UBN2: variants seen among roughly 807,000 people sequenced by gnomAD.
UBN2 encodes ubinuclein-2.
A neutral mutation model predicts 120.2 loss-of-function variants in UBN2; 35 were observed. That is an observed-to-expected ratio of 0.29 (90% CI 0.22 to 0.39). The LOEUF (loss-of-function observed/expected upper bound fraction) is 0.39. UBN2 is among the 10% of genes least tolerant of loss of function. UBN2 has a pLI of 1.00. For synonymous variants in UBN2, 661 were observed against 648.7 expected (o/e 1.02, Z -0.29); for missense variants, 1,693 against 1,663.2 (o/e 1.02, Z -0.31).
chr7:139,232,842 C>CA (rs1455546572), intron 1 of UBN2, among the ~76,000 whole-genome samples: 1 of 152,006 alleles, frequency 6.6e-6, no homozygotes, highest in Non-Finnish European at 1.5e-5. Context: ...AAGAGGTGAA[C>CA]AATGGAGAAA....
At chr7:139,295,045 C>T (rs1430233925) in intron 17 of UBN2, among the ~76,000 whole-genome samples, 1 of 151,862 alleles carries the variant, frequency 6.6e-6, no homozygotes, top group African/African-American at 2.4e-5. Context: ...GCAGAAATAA[C>T]TGCTTAGCTG....
chr7:139,250,010 C>G (rs1424667332), intron 2 of UBN2, among the ~76,000 whole-genome samples: 3 of 152,072 alleles, frequency 2.0e-5, no homozygotes, highest in Non-Finnish European at 4.4e-5. Flanking sequence ...CTTCTCTTCT[C>G]TTTCTAAGCA....
chr7:139,304,461 G>A lies in UBN2; in HGVS notation c.*6625G>A, dbSNP rs544139719. On this transcript the variant is annotated 3_prime_UTR_variant, in exon 18 of 18. Coordinates refer to ENST00000473989, the MANE Select transcript of UBN2 (RefSeq NM_173569.4). The stretch of plus-strand genomic sequence containing the variant: ...TTTCCCGTTATCGTTTAAAATAATA[G>A]CAACAGGAAAAGAAAAATGGATGCT... 4 of 152,272 alleles carry A rather than the reference G, an allele frequency of 2.6e-5. No homozygotes were observed. Among genetic ancestry groups the A allele is most frequent in the African/African-American group, 9.6e-5 (4 of 41,556 alleles). The allele number at this position is 152,272 out of a possible 1,614,324, so 9.4% of individuals were successfully genotyped here.
intron 7 of UBN2, among the ~76,000 whole-genome samples, chr7:139,266,698 A>G (rs1051640726): frequency 1.3e-5 from 2 of 152,190 alleles, no homozygotes; most frequent in African/African-American, 2.4e-5. Flanking sequence ...CCTTATATGA[A>G]AGTATCTTTC....
the UBN2 span, among the ~76,000 whole-genome samples, chr7:139,315,081 A>T: frequency 4.0e-5 from 6 of 151,678 alleles, no homozygotes; most frequent in African/African-American, 7.3e-5. Flanking sequence ...GTTCACGCCA[A>T]TCTCCTGCCT....
At chr7:139,259,176 T>C in intron 4 of UBN2, 91 bp from the exon 5 acceptor site, 2 of 1,527,196 alleles carry the variant, frequency 1.3e-6, no homozygotes, top group South Asian at 2.6e-5. Flanking sequence ...CACTGACATT[T>C]GAGAAAAACC....
At position 139,231,728 on chromosome 7, in the gene UBN2, C is replaced by T; in HGVS notation, c.244C>T (p.Pro82Ser). Residue 82 changes from proline to serine, a missense_variant, in exon 1 of 18, where the codon CCG becomes TCG. By Grantham distance (74) the Pro-to-Ser change is moderately conservative. Transcript: ENST00000473989. ...CCAGCGCGAGGTCAGCCGCGCCGAG[C>T]CGCCCATGTCGCTGCAGCGGGAGCC... ...LPQREVSRAE[P>S]PMSLQREPPR... The T allele has an allele frequency of 2.5e-6, 3 of 1,188,702 alleles. No individual in the cohort carries two copies. Among genetic ancestry groups the T allele is most frequent in the Non-Finnish European group, 3.1e-6 (3 of 963,700 alleles). 73.6% of individuals were successfully genotyped at this position (1,188,702 alleles called of 1,614,324 possible).
At position 139,283,992 on chromosome 7, in the gene UBN2, T is replaced by G. The variant is rs746493307; in HGVS notation, c.3087T>G (p.Ser1029=). The G allele has an allele frequency of 6.2e-7, 1 of 1,613,486 alleles. No homozygotes were observed. The highest frequency in any genetic ancestry group is 1.7e-5 in the Admixed American group (1 of 59,942). The change falls in exon 15 of 18, where the codon TCT becomes TCG. Residue 1029 remains serine (S), a synonymous_variant. Coordinates refer to ENST00000473989, the MANE Select transcript of UBN2 (RefSeq NM_173569.4). ...AGATCTCCACGCAGGGTTTCAAATC[T>G]CCCTTCTCGATGGCTGCCTCCCCAA... ...VSQISTQGFK[S]PFSMAASPKL...
chr7:139,289,501 CTCTAGGG>C (rs1797887247), intron 15 of UBN2, among the ~76,000 whole-genome samples: 1 of 150,276 alleles, frequency 6.7e-6, no homozygotes. Context: ...CAGCTTCCGC[CTCTAGGG>C]TTCAAGCAGC....
At chr7:139,290,066 G>C (rs981593577) in intron 15 of UBN2, among the ~76,000 whole-genome samples, 1 of 152,016 alleles carries the variant, frequency 6.6e-6, no homozygotes, top group Non-Finnish European at 1.5e-5. Context: ...GCTAATTTTT[G>C]TATTGTATTA....
intron 6 of UBN2, among the ~76,000 whole-genome samples, chr7:139,263,766 C>CAAA (rs34511009): frequency 3.1e-5 from 2 of 64,848 alleles, no homozygotes; most frequent in South Asian, 4.8e-4. Context: ...GACTCCATCT[C>CAAA]AAAAAAAAAA....
At chr7:139,257,362 T>G (rs1796790809) in intron 3 of UBN2, among the ~76,000 whole-genome samples, 1 of 152,178 alleles carries the variant, frequency 6.6e-6, no homozygotes, top group South Asian at 2.1e-4. Flanking sequence ...TCAATTCTTT[T>G]AAAATATGTG....
In UBN2 at chr7:139,300,629, A is replaced by G. The variant is rs1265864631; in HGVS notation, c.*2793A>G. On this transcript the variant is annotated 3_prime_UTR_variant, in exon 18 of 18. Coordinates refer to ENST00000473989, the MANE Select transcript of UBN2 (RefSeq NM_173569.4). ...TGTATTTCTGAAGAGCATTAGCAAC[A>G]TCCAAATGCAAAAATAATCAGCACA... The G allele has an allele frequency of 1.3e-5, 2 of 152,236 alleles. No homozygotes were observed. The highest frequency in any genetic ancestry group is 2.9e-5 in the Non-Finnish European group (2 of 68,046). 9.4% of individuals were successfully genotyped at this position (152,236 alleles called of 1,614,324 possible). A position where few individuals can be genotyped will look rare whatever the true frequency, so the allele number is the denominator to read the frequency against.
At chr7:139,244,306 G>A (rs1796402612) in intron 2 of UBN2, among the ~76,000 whole-genome samples, 1 of 152,212 alleles carries the variant, frequency 6.6e-6, no homozygotes, top group Admixed American at 6.5e-5. Context: ...ATAGTTGAAA[G>A]TGTATCCTTT....
intron 8 of UBN2, among the ~76,000 whole-genome samples, chr7:139,270,141 A>G (rs566599049): frequency 1.2e-4 from 19 of 152,270 alleles, no homozygotes; most frequent in African/African-American, 4.3e-4. Context: ...ATCCCTAAAC[A>G]TTATATTTAG....
Position 139,304,999 on chromosome 7 carries a change from T to C in UBN2, c.*7163T>C, listed in dbSNP as rs1798335310. On this transcript the variant is annotated 3_prime_UTR_variant, in exon 18 of 18. Coordinates refer to ENST00000473989, the MANE Select transcript of UBN2 (RefSeq NM_173569.4). Reference sequence around the variant, plus strand: ...TGTTCATCTATCGTAAAATGTGAACTCTGTATTCAAAAACTATCTACAGAT... The same window carrying C: ...TGTTCATCTATCGTAAAATGTGAACCCTGTATTCAAAAACTATCTACAGAT... The C allele has an allele frequency of 6.6e-6, 1 of 152,164 alleles. No homozygotes were observed. The highest frequency in any genetic ancestry group is 6.6e-5 in the Admixed American group (1 of 15,266). 9.4% of individuals were successfully genotyped at this position (152,164 alleles called of 1,614,324 possible).
rs984029598 is a variant in UBN2 at position 139,232,097 on chromosome 7, T to G, written c.468+145T>G. The G allele has an allele frequency of 8.3e-6, 6 of 720,018 alleles. No individual in the cohort carries two copies. In the East Asian group the frequency reaches 1.4e-4, roughly 16 times the overall value. 44.6% of individuals were successfully genotyped at this position (720,018 alleles called of 1,614,324 possible). A position where few individuals can be genotyped will look rare whatever the true frequency, so the allele number is the denominator to read the frequency against. ...GTGCGGGGGGCCGGGGCCGAGCGGGTGGACGGGGCGGTGAGCGCTGCTTTC... is the reference window on the plus strand; with the variant it reads ...GTGCGGGGGGCCGGGGCCGAGCGGGGGGACGGGGCGGTGAGCGCTGCTTTC... On this transcript the variant is annotated intron_variant, in intron 1 of 17. Transcript: ENST00000473989.
At position 139,277,900 on chromosome 7, in the gene UBN2, A is replaced by G. The variant is rs145185506; in HGVS notation, c.2025-1418A>G. 6.1e-3 allele frequency among the ~76,000 whole-genome samples: 932 copies of G among 152,328 alleles called. 6 individuals carry two copies. Among genetic ancestry groups the G allele is most frequent in the African/African-American group, 0.021 (855 of 41,566 alleles). ...AGATTTTAGTTTACAAATTAGGCAC[A>G]GTAAGAGATTAACAACAATAATAAA... is the stretch of plus-strand genomic sequence containing the variant. On this transcript the variant is annotated intron_variant, in intron 12 of 17. Transcript: ENST00000473989.
intron 7 of UBN2, among the ~76,000 whole-genome samples, chr7:139,269,141 G>A (rs1235531423): frequency 6.6e-6 from 1 of 152,116 alleles, no homozygotes; most frequent in African/African-American, 2.4e-5. Flanking sequence ...CCCAGGAGGT[G>A]GAGGTTCCAG....
Sources: allele counts gnomAD v4.1 joint callset (sites outside exome capture counted in the v4.1 genomes callset), GRCh38; gene constraint gnomAD v4.1.1; transcripts MANE v1.5; gene names NCBI Gene and HGNC (gene_info 2026-07-23, HGNC 2026-07-21).